CEP112: variants seen among roughly 807,000 people sequenced by gnomAD.
CEP112 encodes centrosomal protein of 112 kDa.
CEP112 carries 127 observed loss-of-function variants against 153.0 expected under a neutral mutation model. The ratio of observed to expected loss-of-function variants is 0.83; its 90% CI spans 0.72 to 0.96. The LOEUF (loss-of-function observed/expected upper bound fraction) is 0.96, where lower values mean the gene tolerates loss of function less well. CEP112 is among the 40% of genes least tolerant of loss of function. CEP112 has a pLI of 0.00. For synonymous variants in CEP112, 358 were observed against 374.4 expected (o/e 0.96, Z 0.51); for missense variants, 1,089 against 1,101.2 (o/e 0.99, Z 0.16).
At chr17:66,182,522 A>G (rs1184303530) in intron 2 of CEP112, 1 of 152,214 alleles carries the variant, frequency 6.6e-6, no homozygotes, top group African/African-American at 2.4e-5. Flanking sequence ...CCCACTCCAA[A>G]CCTACCACTC....
chr17:65,717,707 C>A (rs149466740), intron 23 of CEP112, among the ~76,000 whole-genome samples: 1 of 152,196 alleles, frequency 6.6e-6, no homozygotes, highest in African/African-American at 2.4e-5. Context: ...CAAACTCTCA[C>A]AGCTTTTGAG....
At chr17:66,075,197 T>C (rs553443430) in intron 8 of CEP112, among the ~76,000 whole-genome samples, 37 of 152,146 alleles carry the variant, frequency 2.4e-4, no homozygotes, top group Non-Finnish European at 4.0e-4. Flanking sequence ...TTAAAGATAA[T>C]ACAACAACCT....
chr17:66,144,386 T>C (rs2070834475), intron 4 of CEP112, among the ~76,000 whole-genome samples: 2 of 152,128 alleles, frequency 1.3e-5, no homozygotes, highest in South Asian at 4.2e-4. Flanking sequence ...CTCCATGTTG[T>C]TGCACGTATC....
chr17:66,107,285 C>T (rs1253343721), intron 6 of CEP112, among the ~76,000 whole-genome samples: 1 of 151,992 alleles, frequency 6.6e-6, no homozygotes, highest in African/African-American at 2.4e-5. Context: ...ACCGAAAGTC[C>T]TAGCTAGAGC....
intron 6 of CEP112, among the ~76,000 whole-genome samples, chr17:66,101,084 GTATAA>G (rs964313343): frequency 1.6e-4 from 25 of 152,174 alleles, no homozygotes; most frequent in African/African-American, 6.0e-4. Flanking sequence ...ATCTTTCAGA[GTATAA>G]TATAAAAGTC....
At position 65,700,147 on chromosome 17, in the gene CEP112, CCCT is replaced by C. The variant is rs879626144; in HGVS notation, c.2608-10932_2608-10930del. On this transcript the variant is annotated intron_variant, in intron 23 of 26. Transcript: ENST00000535342. ...TCTTCTCTCTCACTTGCGGATATTT[CCCT>C]AACTAGGTTCTTACCTCTCTAGCCT... Among the ~76,000 whole-genome samples, 172 of 152,180 alleles carry C rather than the reference CCCT, an allele frequency of 1.1e-3. 1 individual carries two copies. Among genetic ancestry groups the C allele is most frequent in the South Asian group, 2.5e-3 (12 of 4,822 alleles).
In CEP112 at chr17:65,689,364, T is replaced by C. The variant is rs1445144065; in HGVS notation, c.2608-146A>G. 1.4e-5 allele frequency: 8 copies of C among 579,874 alleles called. No individual in the cohort carries two copies. In the East Asian group the frequency reaches 1.5e-4, roughly 11 times the overall value. The allele number at this position is 579,874 out of a possible 1,614,324, so 35.9% of individuals were successfully genotyped here. A position where few individuals can be genotyped will look rare whatever the true frequency, so the allele number is the denominator to read the frequency against. ...ATTCAGGCAAACAATACCAGACTTT[T>C]GTGTGTCAGGCCAAGATGTTTTCTG... On this transcript the variant is annotated intron_variant, in intron 23 of 26. Transcript: ENST00000535342.
chr17:65,952,311 A>C (rs1326049328), intron 18 of CEP112, among the ~76,000 whole-genome samples: 1 of 152,114 alleles, frequency 6.6e-6, no homozygotes, highest in Non-Finnish European at 1.5e-5. Flanking sequence ...AGAAGATGAG[A>C]CAAGACTTTC....
At chr17:65,997,799 CCA>C (rs1049949983) in intron 17 of CEP112, among the ~76,000 whole-genome samples, 2 of 143,708 alleles carry the variant, frequency 1.4e-5, no homozygotes, top group African/African-American at 5.1e-5. Flanking sequence ...ATCCCCCCCC[CCA>C]CACACACACA....
At chr17:65,961,863 C>T (rs1346784414) in intron 17 of CEP112, among the ~76,000 whole-genome samples, 2 of 152,286 alleles carry the variant, frequency 1.3e-5, no homozygotes, top group Middle Eastern at 3.4e-3. Flanking sequence ...CATGTGTCTC[C>T]ATCAAGTGAT....
At chr17:65,981,332 C>T (rs990494800) in intron 17 of CEP112, among the ~76,000 whole-genome samples, 3 of 152,154 alleles carry the variant, frequency 2.0e-5, no homozygotes, top group Non-Finnish European at 2.9e-5. Flanking sequence ...AAATTTATTA[C>T]TTATGAAACT....
At chr17:66,121,241 A>G (rs1055702917) in intron 6 of CEP112, among the ~76,000 whole-genome samples, 2 of 150,804 alleles carry the variant, frequency 1.3e-5, no homozygotes, top group Admixed American at 6.6e-5. Context: ...GTGCCATTGC[A>G]CTCTAGCCTG....
chr17:65,781,802 G>C (rs942157443), intron 21 of CEP112, among the ~76,000 whole-genome samples: 1 of 152,142 alleles, frequency 6.6e-6, no homozygotes, highest in Non-Finnish European at 1.5e-5. Context: ...TAGTGGGCTA[G>C]CCATATGCAG....
At chr17:65,813,638 C>T (rs867321636) in intron 21 of CEP112, among the ~76,000 whole-genome samples, 5 of 152,126 alleles carry the variant, frequency 3.3e-5, no homozygotes, top group Admixed American at 6.6e-5. Context: ...GCCTCAGTAT[C>T]GCCTACAATT....
In CEP112 at chr17:65,715,383, G is replaced by A. The variant is rs1361167585; in HGVS notation, c.2608-26165C>T. On this transcript the variant is annotated intron_variant, in intron 23 of 26. Transcript: ENST00000535342. ...AGAGAGAAAAACAACATAAAACTTT[G>A]GGGCAGAATTTATAGTTAGAGTCCC... 2.6e-5 allele frequency among the ~76,000 whole-genome samples: 4 copies of A among 152,058 alleles called. No individual in the cohort carries two copies. The East Asian group carries it at 7.7e-4, about 29-fold the overall frequency.
chr17:65,812,958 G>GA (rs1221288800), intron 21 of CEP112, among the ~76,000 whole-genome samples: 4 of 152,154 alleles, frequency 2.6e-5, no homozygotes, highest in Non-Finnish European at 5.9e-5. Context: ...TTATCGAGCA[G>GA]AAAAATATTC....
chr17:65,674,962 G>T (rs2047155668), intron 24 of CEP112, among the ~76,000 whole-genome samples: 1 of 152,172 alleles, frequency 6.6e-6, no homozygotes, highest in South Asian at 2.1e-4. Context: ...TAAGAAAAAT[G>T]ATTGTGAATT....
intron 10 of CEP112, among the ~76,000 whole-genome samples, chr17:66,066,165 T>C (rs888820534): frequency 2.6e-5 from 4 of 152,330 alleles, no homozygotes. Flanking sequence ...ATAATCATAG[T>C]CAACTACGGT....
chr17:65,961,528 G>A lies in CEP112; in HGVS notation c.1807C>T (p.Leu603=), dbSNP rs777476554. 1.2e-6 allele frequency: 2 copies of A among 1,613,638 alleles called. No homozygotes were observed. The highest frequency in any genetic ancestry group is 2.7e-5 in the African/African-American group (2 of 75,038). ...TCCACCTGCCGCTTAAACTCTTCCA[G>A]AGCGGCATCTGCCTGCTGGGCCTGC... is the stretch of plus-strand genomic sequence containing the variant. ...RLQAQQADAA[L]EEFKRQVELN... is the part of the protein sequence containing the mutation. Residue 603 remains leucine (L), a synonymous_variant, in exon 18 of 27, where the codon CTG becomes TTG. Coordinates refer to ENST00000535342, the MANE Select transcript of CEP112 (RefSeq NM_001199165.4).
Sources: allele counts gnomAD v4.1 joint callset (sites outside exome capture counted in the v4.1 genomes callset), GRCh38; gene constraint gnomAD v4.1.1; transcripts MANE v1.5; gene names NCBI Gene and HGNC (gene_info 2026-07-23, HGNC 2026-07-21).